The following TRAK1 variants were observed in gnomAD, a reference collection of about 807,000 sequenced individuals.
TRAK1 encodes trafficking kinesin protein 1.
Under a neutral mutation model 92.1 loss-of-function variants are expected in TRAK1, and 33 were observed. The observed-to-expected ratio is 0.36, with a 90% confidence interval of 0.27 to 0.48. The LOEUF is 0.48. Among genes scored for constraint, TRAK1 ranks in the 20% least tolerant of loss-of-function variants. The pLI is 0.99. For missense variants in TRAK1, 1,123 were observed against 1,257.9 expected (o/e 0.89, Z 1.62); for synonymous variants, 521 against 517.3 (o/e 1.01, Z -0.10).
In TRAK1 at chr3:42,091,473, G is replaced by T; in HGVS notation, c.4G>T (p.Ala2Ser). The T allele has an allele frequency of 2.5e-6, 4 of 1,613,540 alleles. No individual in the cohort carries two copies. Among genetic ancestry groups the T allele is most frequent in the Non-Finnish European group, 3.4e-6 (4 of 1,179,784 alleles). The change falls in exon 1 of 16, where the codon GCA becomes TCA. Residue 2 changes from alanine (A) to serine (S), a missense_variant. By Grantham distance (99) the Ala-to-Ser change is moderately conservative. This residue lies in a region of TRAK1 where 686 missense variants were observed against 747.6 expected (regional missense o/e 0.92). Coordinates refer to ENST00000327628, the MANE Select transcript of TRAK1 (RefSeq NM_001042646.3). ...CCTTTGGAGTTTATGTCTGCACATG[G>T]CATTGGTTTTTCAATTCGGGCAGCC... M[A>S]LVFQFGQPVR...
chr3:42,201,011 A>G lies in TRAK1; in HGVS notation c.1384A>G (p.Lys462Glu), dbSNP rs1707459244. 3 of 1,614,176 alleles carry G rather than the reference A, an allele frequency of 1.9e-6. No homozygotes were observed. Among genetic ancestry groups the G allele is most frequent in the Non-Finnish European group, 2.5e-6 (3 of 1,180,032 alleles). The change falls in exon 12 of 16, where the codon AAG becomes GAG. Residue 462 changes from lysine (K) to glutamate (E), a missense_variant. Lys to Glu is a moderately conservative substitution (Grantham distance 56). This residue lies in a region of TRAK1 where 686 missense variants were observed against 747.6 expected (regional missense o/e 0.92). Transcript: ENST00000327628. ...CATAGGCAACGTCGTCCTCGACAAC[A>G]AGACCAACAGCATCATTCTGGAAAC... ...SDIGNVVLDN[K>E]TNSIILETEA...
intron 1 of TRAK1, among the ~76,000 whole-genome samples, chr3:42,110,825 C>T (rs766166955): frequency 1.3e-5 from 2 of 152,156 alleles, no homozygotes; most frequent in East Asian, 1.9e-4. Flanking sequence ...TTGTGAGGGT[C>T]GATTTTCCCA....
At chr3:42,042,382 A>G (rs1229122014) in intron 1 of TRAK1, among the ~76,000 whole-genome samples, 1 of 151,530 alleles carries the variant, frequency 6.6e-6, no homozygotes, top group African/African-American at 2.4e-5. Flanking sequence ...TATTATTATT[A>G]TTGTCTTGAG....
At chr3:42,162,088 G>T (rs1047856467) in intron 2 of TRAK1, among the ~76,000 whole-genome samples, 3 of 152,252 alleles carry the variant, frequency 2.0e-5, no homozygotes, top group South Asian at 4.1e-4. Flanking sequence ...TGATGGGCAC[G>T]CATGTTAAAG....
intron 13 of TRAK1, among the ~76,000 whole-genome samples, chr3:42,208,957 G>C (rs1384438917): frequency 6.6e-6 from 1 of 152,134 alleles, no homozygotes; most frequent in Non-Finnish European, 1.5e-5. Context: ...CTTGGCCTAG[G>C]AACACTTCTC....
intron 1 of TRAK1, among the ~76,000 whole-genome samples, chr3:42,044,973 GT>G (rs1219684687): frequency 6.6e-6 from 1 of 151,264 alleles, no homozygotes; most frequent in East Asian, 1.9e-4. Flanking sequence ...TTAAAGATTT[GT>G]TTTTTTTCCT....
chr3:42,077,376 C>T (rs888710332), intron 1 of TRAK1, among the ~76,000 whole-genome samples: 15 of 152,174 alleles, frequency 9.9e-5, no homozygotes, highest in African/African-American at 3.6e-4. Flanking sequence ...GCAACCTCTG[C>T]CTCCTGGGTT....
intron 2 of TRAK1, among the ~76,000 whole-genome samples, chr3:42,162,161 A>G (rs758838626): frequency 1.3e-5 from 2 of 152,300 alleles, no homozygotes; most frequent in South Asian, 4.1e-4. Context: ...ATTGAACTGT[A>G]TGATTCTAGA....
chr3:42,159,586 A>T (rs145390686), intron 2 of TRAK1, among the ~76,000 whole-genome samples: 1 of 152,212 alleles, frequency 6.6e-6, no homozygotes, highest in Admixed American at 6.5e-5. Context: ...AGAGATCTTT[A>T]TAAATTTGGC....
At chr3:42,164,049 T>C (rs896060694) in intron 2 of TRAK1, among the ~76,000 whole-genome samples, 1 of 152,220 alleles carries the variant, frequency 6.6e-6, no homozygotes, top group Non-Finnish European at 1.5e-5. Flanking sequence ...GAAAGTTTGG[T>C]GTCATGGCCA....
chr3:42,106,668 G>A (rs564821380), intron 1 of TRAK1, among the ~76,000 whole-genome samples: 4 of 152,232 alleles, frequency 2.6e-5, no homozygotes, highest in African/African-American at 9.6e-5. Context: ...TTGTCCTTTG[G>A]AATTTTCCAC....
upstream of TRAK1, among the ~76,000 whole-genome samples, chr3:42,086,311 C>CTTTCTT (rs1553711095): frequency 4.3e-5 from 6 of 140,478 alleles, no homozygotes; most frequent in African/African-American, 5.5e-5. Flanking sequence ...CTTTTTCTTT[C>CTTTCTT]TTTTTTTTTT....
At chr3:42,076,858 G>A (rs1286852805) in intron 1 of TRAK1, among the ~76,000 whole-genome samples, 1 of 152,170 alleles carries the variant, frequency 6.6e-6, no homozygotes, top group Non-Finnish European at 1.5e-5. Flanking sequence ...TGGATAGCCA[G>A]TTATCCCAGC....
At chr3:42,099,761 T>C (rs13434127) in intron 1 of TRAK1, among the ~76,000 whole-genome samples, 85,975 of 152,088 alleles carry the variant, frequency 0.57, 24,663 homozygotes, top group South Asian at 0.68. Flanking sequence ...CCATTCAGGT[T>C]GTCATACCTT....
chr3:42,053,217 G>C (rs980801253), intron 1 of TRAK1, among the ~76,000 whole-genome samples: 3 of 152,140 alleles, frequency 2.0e-5, no homozygotes, highest in African/African-American at 7.2e-5. Context: ...CTGTCTGGCT[G>C]ACTTTTCTCT....
intron 1 of TRAK1, among the ~76,000 whole-genome samples, chr3:42,112,696 A>G (rs1164768160): frequency 6.9e-6 from 1 of 144,058 alleles, no homozygotes; most frequent in Non-Finnish European, 1.5e-5. Flanking sequence ...AGATTATGCC[A>G]CTGCACTCTA....
chr3:42,085,049 C>T (rs534013014), upstream of TRAK1, among the ~76,000 whole-genome samples: 20 of 152,052 alleles, frequency 1.3e-4, no homozygotes, highest in South Asian at 3.5e-3. Flanking sequence ...TGAAACTTTT[C>T]GAGTGTTTAC....
upstream of TRAK1, among the ~76,000 whole-genome samples, chr3:42,086,072 C>T (rs1458531415): frequency 6.6e-6 from 1 of 152,172 alleles, no homozygotes; most frequent in Admixed American, 6.5e-5. Context: ...CATTAAGCTC[C>T]TGTTTGACGT....
intron 1 of TRAK1, among the ~76,000 whole-genome samples, chr3:42,038,455 G>A (rs1181435051): frequency 6.6e-6 from 1 of 152,180 alleles, no homozygotes; most frequent in Admixed American, 6.5e-5. Context: ...TGGGACCACA[G>A]GTGTGTGCCA....
Sources: gnomAD v4.1 joint callset for allele counts (sites outside exome capture counted in the v4.1 genomes callset) on GRCh38, gnomAD v4.1.1 for gene constraint, gnomAD v4.1.1 regional missense constraint, MANE v1.5 for transcripts, NCBI Gene and HGNC (gene_info 2026-07-23, HGNC 2026-07-21) for gene names.